The following IL18 variants were observed in gnomAD, a reference collection of about 807,000 sequenced individuals.
The protein encoded by IL18 is interleukin 18.
A neutral mutation model predicts 14.2 loss-of-function variants in IL18; 8 were observed. That is an observed-to-expected ratio of 0.56 (90% CI 0.33 to 1.01). IL18 has a LOEUF of 1.01. IL18 is among the 50% of genes least tolerant of loss of function. The pLI is 0.03. For missense variants in IL18, 166 were observed against 231.1 expected, an observed-to-expected ratio of 0.72 and a Z score of 1.83; for synonymous variants, 67 against 71.0, an observed-to-expected ratio of 0.94 and a Z score of 0.28.
intron 5 of IL18, among the ~76,000 whole-genome samples, chr11:112,147,888 T>C (rs1404232719): frequency 2.0e-5 from 3 of 152,238 alleles, no homozygotes; most frequent in African/African-American, 7.2e-5. Flanking sequence ...CTACTCTTAC[T>C]GGCTCAGTCT....
Position 112,148,692 on chromosome 11 carries a change from T to G in IL18, c.271A>C (p.Ser91Arg). 1 of 1,508,810 alleles carries G rather than the reference T, an allele frequency of 6.6e-7. No individual in the cohort carries two copies. The highest frequency in any genetic ancestry group is 8.9e-7 in the Non-Finnish European group (1 of 1,119,610). The allele number at this position is 1,508,810 out of a possible 1,614,324, so 93.5% of individuals were successfully genotyped here. Residue 91 changes from serine to arginine, a missense_variant, in exon 5 of 6, where the codon AGC becomes CGC. By Grantham distance (110) the Ser-to-Arg change is moderately radical. Coordinates refer to ENST00000280357, the MANE Select transcript of IL18 (RefSeq NM_001562.4). ...TIFIISMYKDSQPRGMAVTIS... is the reference protein window; with the variant it reads ...TIFIISMYKDRQPRGMAVTIS... ...GTTACAGCCATACCTCTAGGCTGGC[T>G]ATCTTTATACATACTTATAATAAAT...
At chr11:112,151,136 T>G (rs150561483) in intron 3 of IL18, 2 of 152,324 alleles carry the variant, frequency 1.3e-5, no homozygotes, top group African/African-American at 4.8e-5. Context: ...GGAACATTGT[T>G]AATAACAACA....
chr11:112,144,648 T>C (rs1866305224), intron 5 of IL18, among the ~76,000 whole-genome samples: 1 of 152,244 alleles, frequency 6.6e-6, no homozygotes, highest in African/African-American at 2.4e-5. Context: ...TTACAGTGAA[T>C]AGACCCAATA....
At chr11:112,151,124 T>C (rs1202424765) in intron 3 of IL18, 5 of 152,218 alleles carry the variant, frequency 3.3e-5, no homozygotes, top group African/African-American at 4.8e-5. Context: ...GGAATGCTTA[T>C]GGGAACATTG....
At chr11:112,157,356 ATAGT>A (rs1381646986) in intron 1 of IL18, among the ~76,000 whole-genome samples, 3 of 152,206 alleles carry the variant, frequency 2.0e-5, no homozygotes, top group African/African-American at 4.8e-5. Context: ...TTTTGAGTAC[ATAGT>A]TAGTCAATGA....
At chr11:112,149,558 G>GTTT (rs561459069) in intron 4 of IL18, among the ~76,000 whole-genome samples, 18 of 99,276 alleles carry the variant, frequency 1.8e-4, no homozygotes, top group Admixed American at 2.4e-4. Flanking sequence ...CTTTTCTTAA[G>GTTT]TTTTTTTTTT....
chr11:112,147,578 G>A (rs1458328032), intron 5 of IL18, among the ~76,000 whole-genome samples: 1 of 152,188 alleles, frequency 6.6e-6, no homozygotes, highest in Non-Finnish European at 1.5e-5. Context: ...CTAGAATGGG[G>A]ACTCCAAATT....
intron 5 of IL18, among the ~76,000 whole-genome samples, chr11:112,147,229 C>T (rs1247236321): frequency 6.6e-6 from 1 of 152,132 alleles, no homozygotes; most frequent in Non-Finnish European, 1.5e-5. Flanking sequence ...CACGCCCAGC[C>T]ACATTCTTTT....
chr11:112,143,727 A>T lies in IL18; in HGVS notation c.451T>A (p.Phe151Ile). 6.2e-7 allele frequency: 1 copy of T among 1,611,014 alleles called. No individual in the cohort carries two copies. ...TATCCTTCGTATGATGAAGATTCAA[A>T]TTGCATCTTATTATCATGTCCTGGG... is the stretch of plus-strand genomic sequence containing the variant. ...SVPGHDNKMQ[F>I]ESSSYEGYFL... The change falls in exon 6 of 6, where the codon TTT becomes ATT. Residue 151 changes from phenylalanine (F) to isoleucine (I), a missense_variant. Phe to Ile is a conservative substitution (Grantham distance 21). Transcript: ENST00000280357.
In IL18 at chr11:112,143,780, C is replaced by T. The variant is rs1364344013; in HGVS notation, c.398G>A (p.Ser133Asn). 3 of 1,611,374 alleles carry T rather than the reference C, an allele frequency of 1.9e-6. No homozygotes were observed. In the East Asian group the frequency reaches 6.7e-5, roughly 36 times the overall value. ...NPPDNIKDTKSDIIFFQRSVP... is the reference protein window; with the variant it reads ...NPPDNIKDTKNDIIFFQRSVP... ...ACTTCTCTGAAAGAATATGATGTCA[C>T]TTTTTGTATCCTTGATGTTATCAGG... Residue 133 changes from serine to asparagine, a missense_variant, in exon 6 of 6, where the codon AGT becomes AAT. By Grantham distance (46) the Ser-to-Asn change is conservative (BLOSUM62 1). Transcript: ENST00000280357.
intron 1 of IL18, among the ~76,000 whole-genome samples, chr11:112,160,627 A>G (rs574346766): frequency 1.3e-4 from 20 of 152,326 alleles, no homozygotes; most frequent in African/African-American, 4.6e-4. Flanking sequence ...TGTTGTATGA[A>G]TAAAAGTTTG....
chr11:112,143,710 G>A lies in IL18; in HGVS notation c.468C>T (p.Tyr156=), dbSNP rs764844182. 8.1e-6 allele frequency: 13 copies of A among 1,611,054 alleles called. No individual in the cohort carries two copies. In the Middle Eastern group the frequency reaches 4.9e-4, roughly 61 times the overall value. ...DNKMQFESSS[Y]EGYFLACEKE... is the part of the protein sequence containing the mutation. Reference sequence around the variant, plus strand: ...TTTCACAAGCTAGAAAGTATCCTTCGTATGATGAAGATTCAAATTGCATCT... The same window carrying A: ...TTTCACAAGCTAGAAAGTATCCTTCATATGATGAAGATTCAAATTGCATCT... The change falls in exon 6 of 6, where the codon TAC becomes TAT. Residue 156 remains tyrosine (Y), a synonymous_variant. Coordinates refer to ENST00000280357, the MANE Select transcript of IL18 (RefSeq NM_001562.4).
chr11:112,149,314 A>G (rs972742940), intron 4 of IL18, among the ~76,000 whole-genome samples: 2 of 151,878 alleles, frequency 1.3e-5, no homozygotes, highest in African/African-American at 2.4e-5. Context: ...ACAAACAAAC[A>G]ACCCCACAGT....
intron 1 of IL18, among the ~76,000 whole-genome samples, chr11:112,161,906 T>C (rs1866638243): frequency 6.7e-6 from 1 of 148,590 alleles, no homozygotes; most frequent in Non-Finnish European, 1.5e-5. Context: ...ATTCCAATCC[T>C]GTTGAATAGG....
intron 1 of IL18, among the ~76,000 whole-genome samples, chr11:112,156,076 G>T (rs533833226): frequency 2.6e-5 from 4 of 152,028 alleles, no homozygotes; most frequent in Non-Finnish European, 5.9e-5. Flanking sequence ...TTAATGTGTT[G>T]GTAAAAAGGC....
chr11:112,161,930 G>C lies in IL18; in HGVS notation c.-9+1976C>G, dbSNP rs138159505. The stretch of plus-strand genomic sequence containing the variant: ...CTGTTGAATAGGTATGGGATGAAAT[G>C]AGGGAGCATGCTACATAATTAATTA... On this transcript the variant is annotated intron_variant, in intron 1 of 5. Transcript: ENST00000280357. Among the ~76,000 whole-genome samples, 755 of 152,262 alleles carry C rather than the reference G, an allele frequency of 5.0e-3. 6 individuals carry two copies. The highest frequency in any genetic ancestry group is 6.5e-3 in the Non-Finnish European group (439 of 68,016).
At chr11:112,155,912 C>A (rs1163217961) in intron 1 of IL18, among the ~76,000 whole-genome samples, 2 of 152,124 alleles carry the variant, frequency 1.3e-5, no homozygotes, top group Non-Finnish European at 2.9e-5. Context: ...AGGAAACAAA[C>A]CACAGTATTA....
At chr11:112,158,519 G>A (rs1424760779) in intron 1 of IL18, among the ~76,000 whole-genome samples, 1 of 20,780 alleles carries the variant, frequency 4.8e-5, no homozygotes, top group African/African-American at 1.8e-4. Flanking sequence ...TATTTATTTG[G>A]AGTTTTTTTT....
intron 1 of IL18, 106 bp downstream of exon 1, chr11:112,163,800 T>C (rs1197830003): frequency 1.3e-5 from 2 of 152,410 alleles, no homozygotes; most frequent in Non-Finnish European, 2.9e-5. Flanking sequence ...TGACTGCTCA[T>C]CGTAGTGATG....
Sources: gnomAD v4.1 joint callset for allele counts (sites outside exome capture counted in the v4.1 genomes callset) on GRCh38, gnomAD v4.1.1 for gene constraint, MANE v1.5 for transcripts, NCBI Gene and HGNC (gene_info 2026-07-23, HGNC 2026-07-21) for gene names.